The following ZC3H12B variants were observed in gnomAD, a reference collection of about 807,000 sequenced individuals.
The protein encoded by ZC3H12B is probable ribonuclease ZC3H12B.
ZC3H12B carries 7 observed loss-of-function variants against 43.9 expected under a neutral mutation model. That is an observed-to-expected ratio of 0.16 (90% CI 0.09 to 0.30). The LOEUF (loss-of-function observed/expected upper bound fraction) is 0.30. Among genes scored for constraint, ZC3H12B ranks in the 10% least tolerant of loss-of-function variants. The pLI, the probability that ZC3H12B is intolerant of heterozygous loss-of-function variation, is 1.00. For missense variants in ZC3H12B, 475 were observed against 670.2 expected (o/e 0.71, Z 3.22); for synonymous variants, 222 against 241.7 (o/e 0.92, Z 0.76).
the ZC3H12B span, among the ~76,000 whole-genome samples, chrX:65,043,171 G>C: frequency 9.0e-6 from 1 of 111,193 alleles, no homozygotes; most frequent in Non-Finnish European, 1.9e-5. Context: ...CCAACCCTAA[G>C]TGAAGGGACA....
the ZC3H12B span, among the ~76,000 whole-genome samples, chrX:65,146,619 G>A: frequency 9.0e-6 from 1 of 111,585 alleles, no homozygotes; most frequent in Admixed American, 9.5e-5. Flanking sequence ...AGGGCCGAAG[G>A]CTGTTATTCA....
At chrX:65,094,506 C>A in the ZC3H12B span, among the ~76,000 whole-genome samples, 1 of 110,787 alleles carries the variant, frequency 9.0e-6, no homozygotes, top group Admixed American at 9.6e-5. Context: ...TCCAGGGTCC[C>A]CATGAGATCA....
the ZC3H12B span, among the ~76,000 whole-genome samples, chrX:65,169,612 C>T: frequency 9.0e-6 from 1 of 111,663 alleles, no homozygotes; most frequent in Non-Finnish European, 1.9e-5. Context: ...TCTTATTGAT[C>T]TGTCTAATGT....
the ZC3H12B span, among the ~76,000 whole-genome samples, chrX:65,250,399 A>G: frequency 2.7e-5 from 3 of 111,928 alleles, no homozygotes; most frequent in South Asian, 7.5e-4. Flanking sequence ...ATAAACATAC[A>G]TGTGCATGGG....
At chrX:65,408,663 A>G (rs1457968996) in intron 3 of ZC3H12B, 6 of 1,007,950 alleles carry the variant, frequency 6.0e-6, no homozygotes, top group Non-Finnish European at 8.2e-6. Context: ...CACAGAGATG[A>G]GAGGCCCGGC....
At chrX:65,132,850 G>T in the ZC3H12B span, among the ~76,000 whole-genome samples, 1 of 111,125 alleles carries the variant, frequency 9.0e-6, no homozygotes, top group Admixed American at 9.5e-5. Flanking sequence ...GTTACCCAAA[G>T]TGTCTGTGAT....
the ZC3H12B span, among the ~76,000 whole-genome samples, chrX:65,056,859 T>C: frequency 8.9e-6 from 1 of 111,950 alleles, no homozygotes; most frequent in East Asian, 2.8e-4. Flanking sequence ...CTTGTCTCTT[T>C]TGATCTGTGT....
chrX:65,422,722 C>T (rs1602414285), intron 3 of ZC3H12B, among the ~76,000 whole-genome samples: 1 of 109,293 alleles, frequency 9.1e-6, no homozygotes, highest in Non-Finnish European at 1.9e-5. Context: ...GTGTGATGTT[C>T]CCCTCCCTGT....
chrX:65,383,603 G>A (rs1260923863), intron 2 of ZC3H12B, among the ~76,000 whole-genome samples: 1 of 111,201 alleles, frequency 9.0e-6, no homozygotes, highest in East Asian at 2.8e-4. Flanking sequence ...ATTGACAAAT[G>A]GGATCTAATT....
intron 3 of ZC3H12B, among the ~76,000 whole-genome samples, chrX:65,449,001 A>AGAAAGAGAG (rs1569412239): frequency 6.6e-4 from 66 of 99,857 alleles, no homozygotes; most frequent in African/African-American, 1.1e-3. Context: ...AAGAGAGGAA[A>AGAAAGAGAG]GAAAGAAAGA....
the ZC3H12B span, among the ~76,000 whole-genome samples, chrX:65,228,979 A>G: frequency 8.9e-6 from 1 of 111,851 alleles, no homozygotes; most frequent in East Asian, 2.8e-4. Flanking sequence ...TGTAGATTCC[A>G]TGCCATCCCC....
the ZC3H12B span, among the ~76,000 whole-genome samples, chrX:65,307,045 A>G: frequency 8.9e-6 from 1 of 112,610 alleles, no homozygotes; most frequent in African/African-American, 3.2e-5. Context: ...GAAGCATGAG[A>G]AAATTGTTAA....
At chrX:65,482,782 G>A (rs1292835406) in intron 3 of ZC3H12B, among the ~76,000 whole-genome samples, 2 of 111,974 alleles carry the variant, frequency 1.8e-5, no homozygotes, top group African/African-American at 6.5e-5. Context: ...AATGGAACAC[G>A]TGACTGTGGA....
chrX:65,285,018 G>C, the ZC3H12B span, among the ~76,000 whole-genome samples: 2 of 110,661 alleles, frequency 1.8e-5, no homozygotes, highest in Non-Finnish European at 3.8e-5. Context: ...ACAAATTATT[G>C]CTATCACCTA....
the ZC3H12B span, among the ~76,000 whole-genome samples, chrX:65,128,467 T>C: frequency 8.9e-6 from 1 of 111,909 alleles, no homozygotes; most frequent in Non-Finnish European, 1.9e-5. Flanking sequence ...TGAATTTTGT[T>C]TGTGGTCCAG....
chrX:65,461,714 A>C (rs1263324776), intron 3 of ZC3H12B, among the ~76,000 whole-genome samples: 1 of 111,377 alleles, frequency 9.0e-6, no homozygotes, highest in African/African-American at 3.3e-5. Context: ...GGGTCTAGGT[A>C]GGGGGGAGGG....
the ZC3H12B span, among the ~76,000 whole-genome samples, chrX:65,250,420 A>G: frequency 8.0e-5 from 9 of 111,979 alleles, no homozygotes; most frequent in South Asian, 3.4e-3. Context: ...TCTTTATAGC[A>G]GCATGATTTA....
chrX:65,068,666 A>G, the ZC3H12B span, among the ~76,000 whole-genome samples: 1,320 of 111,659 alleles, frequency 0.012, 21 homozygotes, highest in African/African-American at 0.041. Context: ...TATCACTGTG[A>G]CAGTGTTATA....
At chrX:65,223,993 T>A in the ZC3H12B span, among the ~76,000 whole-genome samples, 1 of 112,135 alleles carries the variant, frequency 8.9e-6, no homozygotes, top group African/African-American at 3.2e-5. Flanking sequence ...GAAAAAGATA[T>A]TTGCACATGC....
Sources: allele counts gnomAD v4.1 joint callset (sites outside exome capture counted in the v4.1 genomes callset), GRCh38; gene constraint gnomAD v4.1.1; transcripts MANE v1.5; gene names NCBI Gene and HGNC (gene_info 2026-07-23, HGNC 2026-07-21).